BLTP2: variants seen among roughly 807,000 people sequenced by gnomAD.
The protein encoded by BLTP2 is U937-associated antigen.
the BLTP2 span, among the ~76,000 whole-genome samples, chr17:28,629,618 C>G: frequency 6.6e-6 from 1 of 152,200 alleles, no homozygotes; most frequent in African/African-American, 2.4e-5. Flanking sequence ...GCTCGGATTA[C>G]AGGCACCTGC....
At chr17:28,624,006 G>A in the BLTP2 span, 61 of 1,580,850 alleles carry the variant, frequency 3.9e-5, no homozygotes, top group Non-Finnish European at 4.9e-5. Flanking sequence ...TACCAAGGAC[G>A]ATGAGGTTAG....
At chr17:28,615,162 G>C in the BLTP2 span, 18 of 1,613,992 alleles carry the variant, frequency 1.1e-5, no homozygotes, top group Admixed American at 1.7e-5. Context: ...TCCTGCTGTT[G>C]CATGTTCAGG....
At chr17:28,620,849 A>C in the BLTP2 span, 1 of 986,116 alleles carries the variant, frequency 1.0e-6, no homozygotes, top group Non-Finnish European at 1.5e-6. Context: ...CAGAACTTAC[A>C]AAAAGTAGAG....
the BLTP2 span, chr17:28,614,935 G>T: frequency 1.2e-6 from 1 of 823,336 alleles, no homozygotes; most frequent in Non-Finnish European, 2.0e-6. Context: ...ACCAGGTGCT[G>T]AAGAGTGATG....
chr17:28,632,336 C>T, the BLTP2 span: 4 of 1,079,098 alleles, frequency 3.7e-6, no homozygotes, highest in African/African-American at 4.7e-5. Context: ...TTTAAAAATC[C>T]AAAATCCAAA....
At chr17:28,629,416 A>G in the BLTP2 span, among the ~76,000 whole-genome samples, 2 of 151,806 alleles carry the variant, frequency 1.3e-5, no homozygotes, top group Non-Finnish European at 2.9e-5. Context: ...TCAGTCTCCA[A>G]GTACCTGGGG....
chr17:28,636,764 C>A, the BLTP2 span, among the ~76,000 whole-genome samples: 1 of 151,876 alleles, frequency 6.6e-6, no homozygotes, highest in Non-Finnish European at 1.5e-5. Flanking sequence ...AGAGGCTGGG[C>A]GTGGTGGCTC....
chr17:28,640,465 T>A, the BLTP2 span: 2 of 1,322,518 alleles, frequency 1.5e-6, no homozygotes, highest in Non-Finnish European at 2.2e-6. Flanking sequence ...TTTCTCCCCG[T>A]AGACAAGCTC....
the BLTP2 span, chr17:28,618,834 A>T: frequency 6.2e-7 from 1 of 1,614,064 alleles, no homozygotes; most frequent in Non-Finnish European, 8.5e-7. Flanking sequence ...AGCAATTCCC[A>T]GCTGTCCATC....
chr17:28,645,061 G>T, the BLTP2 span: 1 of 1,591,724 alleles, frequency 6.3e-7, no homozygotes, highest in South Asian at 1.1e-5. Context: ...AGGCATTTAG[G>T]TCCGGGTCCG....
chr17:28,616,606 A>G, the BLTP2 span: 8 of 1,614,038 alleles, frequency 5.0e-6, no homozygotes, highest in African/African-American at 2.7e-5. The surrounding 1 kb of genome is among the most constrained non-coding windows in gnomAD (Gnocchi z 4.8). Flanking sequence ...GCTCCACCAT[A>G]AAAGTTCTCA....
At chr17:28,634,738 G>A in the BLTP2 span, 2 of 1,614,114 alleles carry the variant, frequency 1.2e-6, no homozygotes, top group Non-Finnish European at 1.7e-6. Flanking sequence ...GAGACGACGG[G>A]AACGCTGGAT....
the BLTP2 span, chr17:28,642,982 G>A: frequency 6.3e-7 from 1 of 1,579,330 alleles, no homozygotes; most frequent in Admixed American, 1.7e-5. Flanking sequence ...CATGAATGGA[G>A]AATAGCTGGA....
chr17:28,616,079 G>A, the BLTP2 span: 1 of 1,585,814 alleles, frequency 6.3e-7, no homozygotes, highest in Non-Finnish European at 8.7e-7. This position sits in a 1 kb window ranked among gnomAD's most constrained non-coding sequence, Gnocchi z 4.8. Context: ...TCTACAAAGT[G>A]CTTGAGAGGT....
At chr17:28,624,417 A>G in the BLTP2 span, 1 of 1,603,454 alleles carries the variant, frequency 6.2e-7, no homozygotes, top group South Asian at 1.1e-5. Context: ...AAGCAGGGAA[A>G]GGTCACAGTC....
At chr17:28,623,383 C>G in the BLTP2 span, among the ~76,000 whole-genome samples, 1 of 152,174 alleles carries the variant, frequency 6.6e-6, no homozygotes, top group Non-Finnish European at 1.5e-5. Context: ...AATAACCAAT[C>G]AGTCATTTTC....
the BLTP2 span, among the ~76,000 whole-genome samples, chr17:28,625,738 T>C: frequency 1.7e-4 from 26 of 152,180 alleles, no homozygotes; most frequent in Non-Finnish European, 2.5e-4. Flanking sequence ...CCATTCCCAC[T>C]GCCTCTACCT....
chr17:28,619,534 A>C, the BLTP2 span: 7 of 1,196,798 alleles, frequency 5.8e-6, no homozygotes, highest in East Asian at 7.1e-5. Context: ...GTCTGAACCT[A>C]CTCCTACATC....
the BLTP2 span, chr17:28,623,822 G>A: frequency 6.2e-7 from 1 of 1,614,054 alleles, no homozygotes; most frequent in African/African-American, 1.3e-5. Context: ...GCAAAGTACT[G>A]CATGCCATCC....
Sources: allele counts gnomAD v4.1 joint callset (sites outside exome capture counted in the v4.1 genomes callset), GRCh38; gene constraint gnomAD v4.1.1; non-coding constraint Gnocchi (gnomAD v3.1); transcripts MANE v1.5; gene names NCBI Gene and HGNC (gene_info 2026-07-23, HGNC 2026-07-21).